PCDHA10: variants seen among roughly 807,000 people sequenced by gnomAD.
PCDHA10 encodes protocadherin alpha-10.
PCDHA10 carries 45 observed loss-of-function variants against 61.2 expected under a neutral mutation model. That is an observed-to-expected ratio of 0.74 (90% CI 0.58 to 0.94). The LOEUF is 0.94. Ranked by LOEUF, PCDHA10 falls within the 40% of genes least tolerant of loss-of-function variation. PCDHA10 has a pLI of 0.00. For missense variants in PCDHA10, 1,278 were observed against 1,236.2 expected, an observed-to-expected ratio of 1.03 and a Z score of -0.51; for synonymous variants, 602 against 548.8, an observed-to-expected ratio of 1.10 and a Z score of -1.35.
chr5:140,985,900 C>A (rs896937826), intron 3 of PCDHA10, among the ~76,000 whole-genome samples: 2 of 151,872 alleles, frequency 1.3e-5, no homozygotes, highest in Non-Finnish European at 2.9e-5. Context: ...CCACCACTCC[C>A]GTCTAATTTT....
At chr5:140,953,514 AC>A (rs1209488542) in intron 1 of PCDHA10, among the ~76,000 whole-genome samples, 2 of 152,136 alleles carry the variant, frequency 1.3e-5, no homozygotes, top group Non-Finnish European at 2.9e-5. Flanking sequence ...GGCCAAAGCA[AC>A]AAAAACGGGA....
chr5:140,856,541 G>T lies in PCDHA10; in HGVS notation c.493G>T (p.Ala165Ser), dbSNP rs1554148841. 5.0e-6 allele frequency: 8 copies of T among 1,598,164 alleles called. 2 individuals carry two copies. Among genetic ancestry groups the T allele is most frequent in the South Asian group, 4.4e-5 (4 of 90,522 alleles). The change falls in exon 1 of 4, where the codon GCA becomes TCA. Residue 165 changes from alanine to serine, a missense_variant. Transcript: ENST00000307360. ...ATCTGATGCGGATGTTGGAGAGAAC[G>T]CATTGCTTACTTACAAACTCAGTCC... ...GASDADVGEN[A>S]LLTYKLSPNE...
chr5:140,902,756 C>A (rs1434955469), intron 1 of PCDHA10, among the ~76,000 whole-genome samples: 1 of 150,258 alleles, frequency 6.7e-6, no homozygotes, highest in Admixed American at 6.6e-5. Flanking sequence ...TTATATCATT[C>A]TTATGTCTTT....
chr5:141,008,036 C>G (rs1372261299), intron 3 of PCDHA10, among the ~76,000 whole-genome samples: 1 of 151,938 alleles, frequency 6.6e-6, no homozygotes, highest in Non-Finnish European at 1.5e-5. Context: ...GTTAATCTGC[C>G]TTTTGTAACA....
At chr5:140,949,219 C>T (rs543953096) in intron 1 of PCDHA10, among the ~76,000 whole-genome samples, 3 of 151,842 alleles carry the variant, frequency 2.0e-5, no homozygotes, top group African/African-American at 7.2e-5. Flanking sequence ...TCTGTTTAGA[C>T]TTGTTCTGTG....
chr5:140,869,158 C>T (rs782164931), intron 1 of PCDHA10: 1 of 1,613,872 alleles, frequency 6.2e-7, no homozygotes, highest in East Asian at 2.2e-5. Context: ...GCTCTGGCTT[C>T]TCCTCCTCGA....
intron 1 of PCDHA10, among the ~76,000 whole-genome samples, chr5:140,939,650 A>G (rs1203077314): frequency 1.3e-5 from 2 of 152,228 alleles, no homozygotes; most frequent in African/African-American, 2.4e-5. Flanking sequence ...GAAAACTTCA[A>G]TAACAGGAAT....
chr5:140,905,771 G>A lies in PCDHA10; in HGVS notation c.2388+47335G>A, dbSNP rs112500166. ...TCACCTCCTTGGTTAAGTATATTCC[G>A]AAGTGTATTAGTCAGGGTTCTCTAG... is the stretch of plus-strand genomic sequence containing the variant. On this transcript the variant is annotated intron_variant, in intron 1 of 3. Coordinates refer to ENST00000307360, the MANE Select transcript of PCDHA10 (RefSeq NM_018901.4). Among the ~76,000 whole-genome samples the A allele has an allele frequency of 4.4e-3, 670 of 152,104 alleles. 7 individuals are homozygous for A. Among genetic ancestry groups the A allele is most frequent in the African/African-American group, 0.015 (623 of 41,484 alleles).
At chr5:140,893,409 T>C (rs2153442529) in intron 1 of PCDHA10, among the ~76,000 whole-genome samples, 1 of 152,154 alleles carries the variant, frequency 6.6e-6, no homozygotes, top group South Asian at 2.1e-4. Context: ...TCCCAGCACT[T>C]AGGGAGGCAG....
chr5:140,904,901 T>C (rs782489947), intron 1 of PCDHA10, among the ~76,000 whole-genome samples: 9 of 152,224 alleles, frequency 5.9e-5, no homozygotes, highest in Non-Finnish European at 1.0e-4. Context: ...TTTGTTTTTC[T>C]TACTGATTTG....
intron 1 of PCDHA10, among the ~76,000 whole-genome samples, chr5:140,891,446 G>T (rs1554184841): frequency 1.0e-4 from 15 of 149,150 alleles, no homozygotes. Context: ...CATTGTATAG[G>T]ATTTTTGAAT....
At chr5:140,971,778 G>C (rs1346530602) in intron 1 of PCDHA10, among the ~76,000 whole-genome samples, 2 of 151,860 alleles carry the variant, frequency 1.3e-5, no homozygotes, top group Non-Finnish European at 2.9e-5. Context: ...TATTATTCAA[G>C]ATTATTCAAT....
intron 1 of PCDHA10, among the ~76,000 whole-genome samples, chr5:140,891,690 C>T (rs12518591): frequency 0.01 from 1,559 of 152,280 alleles, 92 homozygotes; most frequent in Admixed American, 0.092. Context: ...TCTCTTCTTG[C>T]TGTTGTCTGA....
intron 1 of PCDHA10, chr5:140,869,322 C>G (rs1169893950): frequency 6.2e-7 from 1 of 1,613,820 alleles, no homozygotes; most frequent in Admixed American, 1.7e-5. Flanking sequence ...CACATGGGGA[C>G]CTTCTGGAGG....
At chr5:140,985,047 C>T (rs1417890181) in intron 3 of PCDHA10, among the ~76,000 whole-genome samples, 5 of 152,076 alleles carry the variant, frequency 3.3e-5, no homozygotes, top group African/African-American at 9.7e-5. Context: ...AAGTGATTCT[C>T]CTGCCTCAGC....
intron 1 of PCDHA10, chr5:140,864,867 C>A (rs868913325): frequency 3.9e-5 from 6 of 152,058 alleles, no homozygotes; most frequent in South Asian, 2.1e-4. Context: ...AAGGGTGATA[C>A]CATTGTCTGT....
At chr5:140,958,923 T>C (rs535689053) in intron 1 of PCDHA10, among the ~76,000 whole-genome samples, 1 of 148,814 alleles carries the variant, frequency 6.7e-6, no homozygotes, top group South Asian at 2.1e-4. Flanking sequence ...CTGGGTGTGG[T>C]GGCTCATACT....
intron 1 of PCDHA10, among the ~76,000 whole-genome samples, chr5:140,887,432 C>G (rs2061445843): frequency 6.6e-6 from 1 of 152,120 alleles, no homozygotes; most frequent in Non-Finnish European, 1.5e-5. Flanking sequence ...AGTATTTTCA[C>G]TGGGCATAGT....
chr5:140,909,516 C>G (rs1213307040), intron 1 of PCDHA10, among the ~76,000 whole-genome samples: 1 of 152,152 alleles, frequency 6.6e-6, no homozygotes, highest in Non-Finnish European at 1.5e-5. Context: ...GAATCACAAC[C>G]CCTGCACATT....
Sources: allele counts gnomAD v4.1 joint callset (sites outside exome capture counted in the v4.1 genomes callset), GRCh38; gene constraint gnomAD v4.1.1; transcripts MANE v1.5; gene names NCBI Gene and HGNC (gene_info 2026-07-23, HGNC 2026-07-21).